Variants in EPHB1 observed in about 807,000 individuals in gnomAD.
EPHB1 encodes the protein ephrin type-B receptor 1.
EPHB1 carries 30 observed loss-of-function variants against 94.4 expected under a neutral mutation model. The ratio of observed to expected loss-of-function variants is 0.32; its 90% CI spans 0.24 to 0.43. The LOEUF is 0.43. Ranked by LOEUF, EPHB1 falls within the 20% of genes least tolerant of loss-of-function variation. EPHB1 has a pLI of 1.00. For synonymous variants in EPHB1, 522 were observed against 489.1 expected, an observed-to-expected ratio of 1.07 and a Z score of -0.89; for missense variants, 1,055 against 1,308.3, an observed-to-expected ratio of 0.81 and a Z score of 2.99.
intron 12 of EPHB1, among the ~76,000 whole-genome samples, chr3:135,220,641 C>T (rs1943255222): frequency 6.8e-6 from 1 of 148,084 alleles, no homozygotes; most frequent in Admixed American, 6.8e-5. Context: ...TTCAAAGTGA[C>T]CTGTCAAGTC....
chr3:135,126,797 A>G (rs1230105790), intron 4 of EPHB1, among the ~76,000 whole-genome samples: 1 of 152,014 alleles, frequency 6.6e-6, no homozygotes, highest in African/African-American at 2.4e-5. Context: ...AGTTTCCAGC[A>G]CTCCTTAGGT....
chr3:135,052,688 C>T (rs1937203571), intron 3 of EPHB1, among the ~76,000 whole-genome samples: 1 of 150,016 alleles, frequency 6.7e-6, no homozygotes, highest in African/African-American at 2.5e-5. Context: ...GGTGAGACCC[C>T]ATCTGTACTA....
At chr3:135,221,409 C>A (rs964167221) in intron 12 of EPHB1, among the ~76,000 whole-genome samples, 1 of 152,122 alleles carries the variant, frequency 6.6e-6, no homozygotes, top group African/African-American at 2.4e-5. Flanking sequence ...TTTGTTTTGA[C>A]TTTTGGTATC....
intron 1 of EPHB1, among the ~76,000 whole-genome samples, chr3:134,847,693 C>G (rs1422587675): frequency 1.3e-5 from 2 of 152,204 alleles, no homozygotes; most frequent in Non-Finnish European, 2.9e-5. Flanking sequence ...ACGAGTATCA[C>G]AGAGTCACCC....
chr3:134,925,282 C>G (rs1404072204), intron 1 of EPHB1, among the ~76,000 whole-genome samples: 1 of 152,062 alleles, frequency 6.6e-6, no homozygotes, highest in East Asian at 1.9e-4. Context: ...GGGAAGTTAC[C>G]CAAGGGTGTC....
At chr3:135,027,137 A>G (rs1294459567) in intron 3 of EPHB1, among the ~76,000 whole-genome samples, 1 of 150,260 alleles carries the variant, frequency 6.7e-6, no homozygotes, top group Non-Finnish European at 1.5e-5. Context: ...GGTTTTCTAC[A>G]TATACAATCA....
intron 12 of EPHB1, among the ~76,000 whole-genome samples, chr3:135,215,847 C>A (rs1184586206): frequency 6.6e-6 from 1 of 152,198 alleles, no homozygotes; most frequent in Non-Finnish European, 1.5e-5. Flanking sequence ...GATGCCGATC[C>A]TGCTAGTCCT....
At chr3:134,966,698 C>T (rs932176744) in intron 3 of EPHB1, among the ~76,000 whole-genome samples, 5 of 152,250 alleles carry the variant, frequency 3.3e-5, no homozygotes, top group Admixed American at 6.5e-5. Context: ...AAATATGTCC[C>T]GACAAGTCAA....
intron 15 of EPHB1, among the ~76,000 whole-genome samples, chr3:135,251,300 T>TTGA (rs1177279046): frequency 2.0e-5 from 3 of 152,060 alleles, no homozygotes; most frequent in Non-Finnish European, 4.4e-5. Flanking sequence ...GAGTGAAAAA[T>TTGA]TGATGCCCCT....
At chr3:134,825,084 A>G (rs897455539) in intron 1 of EPHB1, among the ~76,000 whole-genome samples, 10 of 152,248 alleles carry the variant, frequency 6.6e-5, no homozygotes, top group South Asian at 2.1e-4. Context: ...TAACAGGAAC[A>G]CAAGCAGTCC....
chr3:135,167,863 C>T (rs116060571), intron 9 of EPHB1, among the ~76,000 whole-genome samples: 39 of 152,292 alleles, frequency 2.6e-4, no homozygotes, highest in African/African-American at 8.4e-4. Context: ...CCCCTTGTTG[C>T]AAAGTAAGGC....
At chr3:135,250,537 AGTTGTG>A (rs1933031940) in intron 15 of EPHB1, among the ~76,000 whole-genome samples, 1 of 151,658 alleles carries the variant, frequency 6.6e-6, no homozygotes, top group Non-Finnish European at 1.5e-5. Context: ...CCTTCTGATT[AGTTGTG>A]GTAAGATCTG....
Position 135,259,026 on chromosome 3 carries a change from T to A in EPHB1, c.2861T>A (p.Ile954Lys). 1 of 1,608,072 alleles carries A rather than the reference T, an allele frequency of 6.2e-7. No individual in the cohort carries two copies. The highest frequency in any genetic ancestry group is 8.5e-7 in the Non-Finnish European group (1 of 1,177,350). Reference sequence around the variant, plus strand: ...TTTCCTCCTAGAGACCTCCTGAGAATAGGCATCACCTTGGCAGGCCATCAG... The same window carrying A: ...TTTCCTCCTAGAGACCTCCTGAGAAAAGGCATCACCTTGGCAGGCCATCAG... The part of the protein sequence containing the change: ...TQMTSEDLLR[I>K]GITLAGHQKK... Residue 954 changes from isoleucine to lysine, a missense_variant, in exon 16 of 16, where the codon ATA (isoleucine) becomes AAA (lysine). Ile to Lys is a moderately radical substitution (Grantham distance 102). Coordinates refer to ENST00000398015, the MANE Select transcript of EPHB1 (RefSeq NM_004441.5).
chr3:135,257,870 G>T (rs1172205642), intron 15 of EPHB1, among the ~76,000 whole-genome samples: 1 of 152,098 alleles, frequency 6.6e-6, no homozygotes, highest in Non-Finnish European at 1.5e-5. Context: ...GGGAGACTCC[G>T]TGGGCATAGG....
intron 2 of EPHB1, among the ~76,000 whole-genome samples, chr3:134,950,779 G>A (rs1436898384): frequency 6.6e-6 from 1 of 152,218 alleles, no homozygotes; most frequent in Middle Eastern, 3.4e-3. Context: ...CATGAGATTC[G>A]GAAAGGAAAA....
chr3:135,148,665 C>T (rs1941093707), intron 5 of EPHB1, among the ~76,000 whole-genome samples: 1 of 152,204 alleles, frequency 6.6e-6, no homozygotes, highest in African/African-American at 2.4e-5. Flanking sequence ...TCTCCTTTGT[C>T]AATTCAGGCA....
intron 3 of EPHB1, among the ~76,000 whole-genome samples, chr3:135,030,629 C>G (rs1007806538): frequency 2.6e-5 from 4 of 152,256 alleles, no homozygotes; most frequent in Non-Finnish European, 5.9e-5. Context: ...CTCTTCGAAG[C>G]TGTCAGACAG....
At chr3:135,179,316 G>A (rs1443891207) in intron 9 of EPHB1, among the ~76,000 whole-genome samples, 1 of 151,816 alleles carries the variant, frequency 6.6e-6, no homozygotes, top group East Asian at 1.9e-4. Flanking sequence ...TTCTCTTCTG[G>A]TGTACCGTCT....
chr3:135,091,983 A>AT (rs576398339), intron 3 of EPHB1, among the ~76,000 whole-genome samples: 5 of 152,240 alleles, frequency 3.3e-5, no homozygotes, highest in South Asian at 2.1e-4. Context: ...TTGGTTATAA[A>AT]TTTTTTTTAA....
Sources: allele counts gnomAD v4.1 joint callset (sites outside exome capture counted in the v4.1 genomes callset), GRCh38; gene constraint gnomAD v4.1.1; transcripts MANE v1.5; gene names NCBI Gene and HGNC (gene_info 2026-07-23, HGNC 2026-07-21).